The following UGT2B4 variants were observed in gnomAD, a reference collection of about 807,000 sequenced individuals.
UGT2B4 encodes UDP-glucuronosyltransferase 2B4.
A neutral mutation model predicts 49.8 loss-of-function variants in UGT2B4; 49 were observed. The ratio of observed to expected loss-of-function variants is 0.98; its 90% confidence interval spans 0.78 to 1.25. The LOEUF (loss-of-function observed/expected upper bound fraction) is 1.25. UGT2B4 is among the 50% of genes most tolerant of loss of function. The probability of loss-of-function intolerance (pLI) is 0.00; values close to 1 mark genes in which losing one functional copy is unlikely to be tolerated. For missense variants in UGT2B4, 729 were observed against 627.7 expected, an observed-to-expected ratio of 1.16 and a Z score of -1.73; for synonymous variants, 246 against 217.7, an observed-to-expected ratio of 1.13 and a Z score of -1.14.
At chr4:69,499,892 C>T (rs1192814948), upstream of UGT2B4, among the ~76,000 whole-genome samples, 2 of 151,954 alleles carry the variant, frequency 1.3e-5, no homozygotes, top group African/African-American at 2.4e-5. Flanking sequence ...AATCCAGTTA[C>T]TGAGTATATA....
intron 5 of UGT2B4, 140 bp downstream of exon 5, chr4:69,485,068 A>G: frequency 9.3e-7 from 1 of 1,073,494 alleles, no homozygotes; most frequent in South Asian, 1.6e-5. Flanking sequence ...CCACTCAAAA[A>G]TAAAAGCAGA....
intron 1 of UGT2B4, among the ~76,000 whole-genome samples, chr4:69,509,652 G>GT (rs1728558477): frequency 6.6e-6 from 1 of 152,034 alleles, no homozygotes; most frequent in Admixed American, 6.5e-5. Flanking sequence ...TTGGAGAAAT[G>GT]TTTTTTCAGG....
At chr4:69,489,898 T>C (rs1727930149) in intron 2 of UGT2B4, among the ~76,000 whole-genome samples, 1 of 152,124 alleles carries the variant, frequency 6.6e-6, no homozygotes, top group African/African-American at 2.4e-5. Context: ...ATAGGTTCTT[T>C]AAAGTGGCAC....
rs1171654492 is a variant in UGT2B4, at chr4:69,480,636, A to T, written c.1585T>A (p.Ter529LysextTer13). 1 of 1,613,422 alleles carries T rather than the reference A, an allele frequency of 6.2e-7. No homozygotes were observed. Among genetic ancestry groups the T allele is most frequent in the Non-Finnish European group, 8.5e-7 (1 of 1,179,470 alleles). Reference protein sequence around the residue: ...VRTGKKGKRD* With the variant: ...VRTGKKGKRDK ...CCAGCTTCCAGCCTCAGACGTAATT[A>T]ATCTCTTTTCCCCTTCTTTCCTGTT... Residue 529 changes from the stop codon to lysine, a stop_lost, in exon 6 of 6, where the codon TAA becomes AAA. Coordinates refer to ENST00000305107, the MANE Select transcript of UGT2B4 (RefSeq NM_021139.3).
intron 1 of UGT2B4, among the ~76,000 whole-genome samples, chr4:69,507,019 CA>C (rs1319291915): frequency 6.6e-6 from 1 of 152,128 alleles, no homozygotes; most frequent in African/African-American, 2.4e-5. Flanking sequence ...CGATAAAATT[CA>C]GCATTCATTT....
exon 1 of UGT2B4, chr4:69,525,759 C>A: frequency 8.0e-7 from 1 of 1,247,166 alleles, no homozygotes; most frequent in Non-Finnish European, 1.0e-6. Flanking sequence ...TCAAGCAGCT[C>A]ACATGTTTAT....
chr4:69,502,149 C>CTTTCTTTCTTTCTT (rs1327985495), intron 1 of UGT2B4, among the ~76,000 whole-genome samples: 1 of 64,192 alleles, frequency 1.6e-5, no homozygotes. Context: ...TTCTTTCTTT[C>CTTTCTTTCTTTCTT]TCTTTCTTTC....
upstream of UGT2B4, among the ~76,000 whole-genome samples, chr4:69,496,355 T>C (rs544950011): frequency 2.0e-5 from 3 of 152,326 alleles, no homozygotes; most frequent in African/African-American, 7.2e-5. Flanking sequence ...ATTCAGCTAA[T>C]ATCAATGATC....
chr4:69,508,136 C>T (rs1728521330), intron 1 of UGT2B4, among the ~76,000 whole-genome samples: 2 of 151,868 alleles, frequency 1.3e-5, no homozygotes, highest in Admixed American at 6.6e-5. Flanking sequence ...AAATTAAAAC[C>T]ACAATGAGAT....
rs192358345 is a variant in UGT2B4, at chr4:69,491,658, T to G, written c.870+2035A>C. ...TCTACAAGTTAGTAACAACAGCTAG[T>G]ATTAGTAATTATCACATGTACTACG... On this transcript the variant is annotated intron_variant, in intron 2 of 5. Coordinates refer to ENST00000305107, the MANE Select transcript of UGT2B4 (RefSeq NM_021139.3). Among the ~76,000 whole-genome samples the G allele has an allele frequency of 1.8e-3, 267 of 152,268 alleles. 2 individuals are homozygous for G. Among genetic ancestry groups the G allele is most frequent in the African/African-American group, 6.1e-3 (255 of 41,592 alleles).
intron 1 of UGT2B4, among the ~76,000 whole-genome samples, chr4:69,505,534 G>A (rs1218070474): frequency 1.3e-5 from 2 of 152,082 alleles, no homozygotes; most frequent in Admixed American, 1.3e-4. Context: ...AAATATAAAT[G>A]CACCCAACAC....
chr4:69,485,306 T>A lies in UGT2B4; in HGVS notation c.1212A>T (p.Ala404=), dbSNP rs41297431. The change falls in exon 5 of 6, where the codon GCA becomes GCT. Residue 404 remains alanine, a synonymous_variant. Coordinates refer to ENST00000305107, the MANE Select transcript of UGT2B4 (RefSeq NM_021139.3). ...CAGCTGCTCCCTTGGCCTTCATGTG[T>A]GCAATGTTATCAGGTTGATCTGCAA... ...PLFADQPDNI[A]HMKAKGAAVS... The A allele has an allele frequency of 1.1e-3, 1,822 of 1,614,044 alleles. 46 individuals are homozygous for A. In the East Asian group the frequency reaches 0.037, roughly 33 times the overall value.
chr4:69,517,300 A>G (rs1385263905), intron 1 of UGT2B4, among the ~76,000 whole-genome samples: 1 of 152,186 alleles, frequency 6.6e-6, no homozygotes, highest in Non-Finnish European at 1.5e-5. Context: ...AAAACTATCA[A>G]AAAAGGATTT....
intron 2 of UGT2B4, among the ~76,000 whole-genome samples, chr4:69,489,938 G>A (rs1250440505): frequency 6.6e-6 from 1 of 152,016 alleles, no homozygotes; most frequent in Non-Finnish European, 1.5e-5. Context: ...ATTGTTGCTC[G>A]CTAAATCACA....
At chr4:69,499,412 A>T (rs1205694811), upstream of UGT2B4, among the ~76,000 whole-genome samples, 1 of 152,122 alleles carries the variant, frequency 6.6e-6, no homozygotes, top group African/African-American at 2.4e-5. Flanking sequence ...AGTCCTGAAC[A>T]TTGTTGTTAA....
intron 1 of UGT2B4, among the ~76,000 whole-genome samples, chr4:69,494,648 A>G (rs1431233005): frequency 6.6e-6 from 1 of 152,112 alleles, no homozygotes; most frequent in Non-Finnish European, 1.5e-5. Context: ...TGGAGACATC[A>G]TTTCTCTCAA....
intron 1 of UGT2B4, among the ~76,000 whole-genome samples, chr4:69,509,479 T>C (rs1042677553): frequency 3.9e-5 from 6 of 152,326 alleles, no homozygotes; most frequent in Non-Finnish European, 7.4e-5. Flanking sequence ...GATTTCTCCA[T>C]ATCCAAGCCA....
At chr4:69,500,666 A>AAGG (rs1728295799), upstream of UGT2B4, among the ~76,000 whole-genome samples, 10 of 113,896 alleles carry the variant, frequency 8.8e-5, no homozygotes, top group South Asian at 2.8e-4. Flanking sequence ...AGAAAGAAAG[A>AAGG]AAGGAAGGAA....
At chr4:69,501,126 C>A (rs949002433) in intron 1 of UGT2B4, among the ~76,000 whole-genome samples, 2 of 151,300 alleles carry the variant, frequency 1.3e-5, no homozygotes, top group Non-Finnish European at 2.9e-5. Context: ...TTGTGCCTAC[C>A]GGGGATGGAG....
Sources: allele counts gnomAD v4.1 joint callset (sites outside exome capture counted in the v4.1 genomes callset), GRCh38; gene constraint gnomAD v4.1.1; transcripts MANE v1.5; gene names NCBI Gene and HGNC (gene_info 2026-07-23, HGNC 2026-07-21).